Variants in PDXDC1 observed in about 807,000 individuals in gnomAD.
The protein encoded by PDXDC1 is pyridoxal dependent decarboxylase domain containing 1.
Under a neutral mutation model 100.1 loss-of-function variants are expected in PDXDC1, and 42 were observed. That is an observed-to-expected ratio of 0.42 (90% CI 0.33 to 0.54). The LOEUF is 0.54. Among genes scored for constraint, PDXDC1 ranks in the 20% least tolerant of loss-of-function variants. The pLI, the probability that PDXDC1 is intolerant of heterozygous loss-of-function variation, is 0.10. For missense variants in PDXDC1, 636 were observed against 979.2 expected, an observed-to-expected ratio of 0.65 and a Z score of 4.68; for synonymous variants, 260 against 371.7, an observed-to-expected ratio of 0.70 and a Z score of 3.46.
At chr16:15,121,778 A>G (rs1379051930) in intron 16 of PDXDC1, 1 of 102,276 alleles carries the variant, frequency 9.8e-6, no homozygotes, top group Non-Finnish European at 1.9e-5. Flanking sequence ...TAAATAAAAT[A>G]ATGTAGATCT....
Position 15,049,086 on chromosome 16 carries a change from G to T in PDXDC1, c.1399+19030G>T, listed in dbSNP as rs2044196946. The stretch of plus-strand genomic sequence containing the variant: ...GTTTTATACTTTTTGTAGCGACGGG[G>T]TCTCCCTATGCTCCCCAGGCTGGTC... On this transcript the variant is annotated intron_variant, in intron 16 of 16. Coordinates refer to the PDXDC1 transcript ENST00000535621. 2.0e-5 allele frequency among the ~76,000 whole-genome samples: 3 copies of T among 147,294 alleles called. No homozygotes were observed. The South Asian group carries it at 6.5e-4, about 32-fold the overall frequency.
At chr16:15,061,705 G>C (rs373659750) in intron 16 of PDXDC1, 1 of 1,583,888 alleles carries the variant, frequency 6.3e-7, no homozygotes, top group African/African-American at 1.3e-5. Flanking sequence ...AAGTGATGGG[G>C]AATCCCAAAT....
chr16:15,023,903 A>C (rs1277976981), intron 13 of PDXDC1, among the ~76,000 whole-genome samples: 1 of 152,292 alleles, frequency 6.6e-6, no homozygotes, highest in African/African-American at 2.4e-5. Context: ...CTGTCAAATG[A>C]AAGTATGCCG....
chr16:14,984,686 G>A (rs1416278376), intron 1 of PDXDC1, among the ~76,000 whole-genome samples: 7 of 151,800 alleles, frequency 4.6e-5, no homozygotes, highest in Non-Finnish European at 7.3e-5. Context: ...TAGTAGAGAC[G>A]AGATTTCACC....
In PDXDC1 at chr16:15,110,955, C is replaced by T. The variant is rs2047025085; in HGVS notation, c.1400-27924C>T. The stretch of plus-strand genomic sequence containing the variant: ...ACCAGCCTGGCCAAGATGGTGAAAC[C>T]CCATCTCTACTAAAAATACAAAAAT... On this transcript the variant is annotated intron_variant, in intron 16 of 16. Transcript: ENST00000535621. 1.3e-5 allele frequency: 9 copies of T among 693,050 alleles called. No homozygotes were observed. In the East Asian group the frequency reaches 1.9e-4, roughly 15 times the overall value. 42.9% of individuals were successfully genotyped at this position (693,050 alleles called of 1,614,324 possible). A position where few individuals can be genotyped will look rare whatever the true frequency, so the allele number is the denominator to read the frequency against.
At chr16:15,011,385 C>T (rs547987495) in intron 8 of PDXDC1, among the ~76,000 whole-genome samples, 6 of 152,270 alleles carry the variant, frequency 3.9e-5, no homozygotes, top group African/African-American at 7.2e-5. Flanking sequence ...TTATCTTATT[C>T]TCTGTATATA....
At chr16:15,145,849 G>A in the PDXDC1 span, among the ~76,000 whole-genome samples, 2 of 152,238 alleles carry the variant, frequency 1.3e-5, no homozygotes, top group African/African-American at 2.4e-5. Flanking sequence ...AGGCCCAGAC[G>A]GCAGCGGGCT....
At chr16:15,038,754 C>A, downstream of PDXDC1, 1 of 830,904 alleles carries the variant, frequency 1.2e-6, no homozygotes, top group Admixed American at 1.9e-5. Context: ...CTCCCAGTAA[C>A]GCAAGCTCCA....
chr16:15,099,323 G>C (rs2046462159), intron 16 of PDXDC1, among the ~76,000 whole-genome samples: 2 of 151,016 alleles, frequency 1.3e-5, no homozygotes, highest in South Asian at 4.2e-4. Flanking sequence ...GAGAGGCTGA[G>C]GCTGGAGAAT....
chr16:14,990,865 C>G (rs1326999152), intron 1 of PDXDC1, among the ~76,000 whole-genome samples: 3 of 152,268 alleles, frequency 2.0e-5, no homozygotes, highest in Admixed American at 6.5e-5. Context: ...CTCAGCCTTC[C>G]GAGTACCTAG....
chr16:15,125,909 C>A, intron 16 of PDXDC1: 2 of 681,368 alleles, frequency 2.9e-6, no homozygotes, highest in East Asian at 2.7e-5. Flanking sequence ...CCGGTGCCAT[C>A]TGACAGAATG....
chr16:15,004,126 G>A (rs1186593978), intron 4 of PDXDC1, 61 bp from the exon 5 acceptor site: 6 of 1,465,980 alleles, frequency 4.1e-6, no homozygotes, highest in Non-Finnish European at 5.7e-6. Context: ...GGAATTCTGT[G>A]TCTCTAAGTT....
chr16:15,090,632 T>C (rs1365215937), intron 16 of PDXDC1, among the ~76,000 whole-genome samples: 1 of 152,190 alleles, frequency 6.6e-6, no homozygotes, highest in Non-Finnish European at 1.5e-5. Flanking sequence ...TAAATCTCTA[T>C]TGTTTTCTTG....
chr16:15,040,157 A>G (rs1022437461), downstream of PDXDC1: 2 of 686,576 alleles, frequency 2.9e-6, no homozygotes, highest in Non-Finnish European at 5.1e-6. Flanking sequence ...CTCCTAAGAG[A>G]AAGATAGGAA....
In PDXDC1 at chr16:15,028,963, C is replaced by A; in HGVS notation, c.1290C>A (p.Arg430=). 6.2e-7 allele frequency: 1 copy of A among 1,612,616 alleles called. No homozygotes were observed. The highest frequency in any genetic ancestry group is 8.5e-7 in the Non-Finnish European group (1 of 1,179,906). ...GGCACTCGTGTGACGCGCTGAATCG[C>A]TGGGTGAGAATGGCAGTCACCCCCC... is the stretch of plus-strand genomic sequence containing the variant. ...RERHSCDALN[R]WLGEQLKQLV... is the part of the protein sequence containing the mutation. The change falls in exon 15 of 23, where the codon CGC becomes CGA. Residue 430 remains arginine, a synonymous_variant. Coordinates refer to ENST00000396410, the MANE Select transcript of PDXDC1 (RefSeq NM_015027.4).
chr16:15,056,497 C>A (rs1041250482), intron 16 of PDXDC1, among the ~76,000 whole-genome samples: 10 of 152,194 alleles, frequency 6.6e-5, no homozygotes, highest in African/African-American at 2.4e-4. Flanking sequence ...CCTAATCAGG[C>A]GGGCACGGTG....
At chr16:14,990,020 C>T in intron 1 of PDXDC1, 6 of 1,475,596 alleles carry the variant, frequency 4.1e-6, no homozygotes, top group Non-Finnish European at 5.4e-6. Context: ...GAAGCAGGTG[C>T]AGGCCGCCCG....
intron 16 of PDXDC1, chr16:15,074,828 C>A: frequency 6.2e-7 from 1 of 1,613,032 alleles, no homozygotes; most frequent in Non-Finnish European, 8.5e-7. Context: ...TCAGGACCAG[C>A]CTTTGTTTCA....
chr16:15,084,316 T>C (rs2045828516), intron 16 of PDXDC1, among the ~76,000 whole-genome samples: 1 of 84,372 alleles, frequency 1.2e-5, no homozygotes. Context: ...GTGCAATTTT[T>C]ATTCATATGG....
Sources: gnomAD v4.1 joint callset for allele counts (sites outside exome capture counted in the v4.1 genomes callset) on GRCh38, gnomAD v4.1.1 for gene constraint, MANE v1.5 for transcripts, NCBI Gene and HGNC (gene_info 2026-07-23, HGNC 2026-07-21) for gene names.